Variants in TSPAN12 observed in about 807,000 individuals in gnomAD.
The protein encoded by TSPAN12 is tetraspanin 12.
Under a neutral mutation model 39.2 loss-of-function variants are expected in TSPAN12, and 19 were observed. That is an observed-to-expected ratio of 0.49 (90% CI 0.34 to 0.71). TSPAN12 has a LOEUF of 0.71. Among genes scored for constraint, TSPAN12 ranks in the 30% least tolerant of loss-of-function variants. TSPAN12 has a pLI of 0.01. For synonymous variants in TSPAN12, 119 were observed against 124.8 expected (o/e 0.95, Z 0.31); for missense variants, 314 against 359.9 (o/e 0.87, Z 1.03).
intron 7 of TSPAN12, among the ~76,000 whole-genome samples, chr7:120,799,700 T>G (rs1231408368): frequency 8.1e-6 from 1 of 123,388 alleles, no homozygotes; most frequent in Non-Finnish European, 1.6e-5. Flanking sequence ...AATTATATAA[T>G]TATTATATTA....
chr7:120,857,040 T>C (rs1794885662), intron 1 of TSPAN12: 1 of 535,806 alleles, frequency 1.9e-6, no homozygotes, highest in African/African-American at 1.9e-5. Context: ...AGATAACACC[T>C]GCTGGGAAAA....
rs1240410032 is a variant in TSPAN12, at chr7:120,857,884, C to T, written c.-135G>A. The stretch of plus-strand genomic sequence containing the variant: ...TAGTCGGGGACGCACGGCGGGGGCT[C>T]ATCGGGGCAGGGAACTTCTTCGCGG... On this transcript the variant is annotated 5_prime_UTR_variant, in exon 1 of 8. The change abolishes an upstream ATG in the 5' untranslated region. Coordinates refer to ENST00000222747, the MANE Select transcript of TSPAN12 (RefSeq NM_012338.4). 1 of 152,238 alleles carries T rather than the reference C, an allele frequency of 6.6e-6. No homozygotes were observed. The highest frequency in any genetic ancestry group is 1.5e-5 in the Non-Finnish European group (1 of 68,190). The allele number at this position is 152,238 out of a possible 1,614,324, so 9.4% of individuals were successfully genotyped here. A position where few individuals can be genotyped will look rare whatever the true frequency, so the allele number is the denominator to read the frequency against.
intron 2 of TSPAN12, among the ~76,000 whole-genome samples, chr7:120,840,570 A>G (rs1233126969): frequency 6.6e-6 from 1 of 152,242 alleles, no homozygotes; most frequent in Non-Finnish European, 1.5e-5. Flanking sequence ...TGATAGTAAT[A>G]GTAATAACAT....
intron 2 of TSPAN12, among the ~76,000 whole-genome samples, chr7:120,844,653 C>T (rs1021554595): frequency 6.6e-6 from 1 of 152,240 alleles, no homozygotes; most frequent in African/African-American, 2.4e-5. Context: ...CCAGGCAAAA[C>T]TGATGCAAGG....
chr7:120,823,463 G>A (rs1429219245), intron 4 of TSPAN12, among the ~76,000 whole-genome samples: 1 of 152,042 alleles, frequency 6.6e-6, no homozygotes, highest in Non-Finnish European at 1.5e-5. Context: ...ATTCCAGAAA[G>A]AAAATGTAAA....
intron 4 of TSPAN12, among the ~76,000 whole-genome samples, chr7:120,827,196 T>C (rs1204663282): frequency 1.3e-5 from 2 of 152,226 alleles, no homozygotes; most frequent in Non-Finnish European, 2.9e-5. Context: ...AATCACATTT[T>C]TTTTTGCTTT....
intron 4 of TSPAN12, among the ~76,000 whole-genome samples, chr7:120,821,559 C>T (rs1794188384): frequency 6.6e-6 from 1 of 152,104 alleles, no homozygotes; most frequent in African/African-American, 2.4e-5. Context: ...TCAGTTTCTT[C>T]ATTTGTAAAG....
intron 3 of TSPAN12, among the ~76,000 whole-genome samples, chr7:120,839,820 T>A (rs560899098): frequency 6.6e-6 from 1 of 152,260 alleles, no homozygotes; most frequent in East Asian, 1.9e-4. Context: ...AATGTCTGTA[T>A]AAACATGCTG....
At chr7:120,813,419 G>C (rs1484434976) in intron 5 of TSPAN12, among the ~76,000 whole-genome samples, 1 of 152,160 alleles carries the variant, frequency 6.6e-6, no homozygotes, top group African/African-American at 2.4e-5. Flanking sequence ...TTTGCAGATG[G>C]CCTCTTAACA....
intron 2 of TSPAN12, among the ~76,000 whole-genome samples, chr7:120,852,666 T>C (rs188725832): frequency 6.6e-6 from 1 of 152,328 alleles, no homozygotes; most frequent in East Asian, 1.9e-4. Flanking sequence ...AATGAGCAGG[T>C]GGACAGCTAA....
chr7:120,856,909 C>G lies in TSPAN12; in HGVS notation c.-70-76G>C. 5 of 846,878 alleles carry G rather than the reference C, an allele frequency of 5.9e-6. No individual in the cohort carries two copies. In the South Asian group the frequency reaches 7.1e-5, roughly 12 times the overall value. 52.5% of individuals were successfully genotyped at this position (846,878 alleles called of 1,614,324 possible). On this transcript the variant is annotated intron_variant, in intron 1 of 7. Coordinates refer to ENST00000222747, the MANE Select transcript of TSPAN12 (RefSeq NM_012338.4). ...CCACAGCCTGCCCGTCCCTCCTCCA[C>G]CCGCCCTCAGCAGGGTCCAGAGGGT...
chr7:120,844,007 G>A (rs1444296759), intron 2 of TSPAN12, among the ~76,000 whole-genome samples: 1 of 152,186 alleles, frequency 6.6e-6, no homozygotes, highest in Non-Finnish European at 1.5e-5. Flanking sequence ...GGCTGTACAG[G>A]AAACATGGCT....
In TSPAN12 at chr7:120,852,211, T is replaced by C. The variant is rs550758921; in HGVS notation, c.66+4487A>G. Among the ~76,000 whole-genome samples the C allele has an allele frequency of 7.9e-5, 12 of 151,866 alleles. No individual in the cohort carries two copies. In the East Asian group the frequency reaches 2.3e-3, roughly 29 times the overall value. ...TATTTTTTTTTCCCTAAAATCCTAG[T>C]GGGGTAGAAAAGGTAAGAAGGTACC... On this transcript the variant is annotated intron_variant, in intron 2 of 7. Transcript: ENST00000222747.
At chr7:120,852,953 A>G (rs919459970) in intron 2 of TSPAN12, among the ~76,000 whole-genome samples, 6 of 152,264 alleles carry the variant, frequency 3.9e-5, no homozygotes, top group Admixed American at 3.9e-4. Context: ...GAATGTCTCC[A>G]GCACAGGCTG....
chr7:120,849,967 G>A (rs1052278212), intron 2 of TSPAN12, among the ~76,000 whole-genome samples: 1 of 152,172 alleles, frequency 6.6e-6, no homozygotes, highest in African/African-American at 2.4e-5. Flanking sequence ...TGAGTCACAC[G>A]TGTGTTTCAT....
At chr7:120,854,881 A>C (rs1794841613) in intron 2 of TSPAN12, among the ~76,000 whole-genome samples, 1 of 152,130 alleles carries the variant, frequency 6.6e-6, no homozygotes, top group South Asian at 2.1e-4. Flanking sequence ...ATAGGGAAGC[A>C]ATCTAAATAA....
chr7:120,852,856 A>G (rs200392042), intron 2 of TSPAN12, among the ~76,000 whole-genome samples: 1 of 148,558 alleles, frequency 6.7e-6, no homozygotes, highest in Non-Finnish European at 1.5e-5. Context: ...TCTAAAAAAA[A>G]GAGAGAGAGA....
At chr7:120,799,080 A>G (rs544895513) in intron 7 of TSPAN12, among the ~76,000 whole-genome samples, 3 of 152,196 alleles carry the variant, frequency 2.0e-5, no homozygotes, top group Admixed American at 6.5e-5. Flanking sequence ...ACCAACTTCT[A>G]TGTTGGTGTA....
intron 4 of TSPAN12, among the ~76,000 whole-genome samples, chr7:120,836,972 A>G (rs1216126790): frequency 6.6e-6 from 1 of 152,206 alleles, no homozygotes; most frequent in Non-Finnish European, 1.5e-5. Flanking sequence ...ATCCCACTGC[A>G]TAGGGACTGT....
Sources: allele counts gnomAD v4.1 joint callset (sites outside exome capture counted in the v4.1 genomes callset), GRCh38; gene constraint gnomAD v4.1.1; transcripts MANE v1.5; gene names NCBI Gene and HGNC (gene_info 2026-07-23, HGNC 2026-07-21).